Variants in TG observed in about 807,000 individuals in gnomAD.
TG encodes the protein thyroglobulin.
In TG, 270 loss-of-function variants were observed where a neutral mutation model predicts 324.7. The observed-to-expected ratio is 0.83, with a 90% CI of 0.75 to 0.92. The LOEUF is 0.92. TG is among the 40% of genes least tolerant of loss of function. The probability of loss-of-function intolerance (pLI) is 0.00; values close to 1 mark genes in which losing one functional copy is unlikely to be tolerated. For missense variants in TG, 3,591 were observed against 3,456.4 expected, an observed-to-expected ratio of 1.04 and a Z score of -0.98; for synonymous variants, 1,401 against 1,327.0, an observed-to-expected ratio of 1.06 and a Z score of -1.21.
chr8:132,977,250 C>T (rs369505679), intron 34 of TG, among the ~76,000 whole-genome samples: 4 of 152,146 alleles, frequency 2.6e-5, no homozygotes, highest in African/African-American at 9.7e-5. Flanking sequence ...TGCCTAGAGA[C>T]AGGAATCTCT....
At chr8:133,017,753 C>G in intron 37 of TG, 25 bp from the exon 38 acceptor site, 1 of 1,609,940 alleles carries the variant, frequency 6.2e-7, no homozygotes, top group Non-Finnish European at 8.5e-7. Context: ...CCTTCCTCAC[C>G]CCTTTCTCTT....
At chr8:133,088,467 G>C (rs1349066553) in intron 41 of TG, among the ~76,000 whole-genome samples, 1 of 152,102 alleles carries the variant, frequency 6.6e-6, no homozygotes, top group Non-Finnish European at 1.5e-5. Context: ...TATGACCTTG[G>C]AAAAATTACC....
chr8:132,885,138 G>GC (rs140389621), intron 8 of TG, among the ~76,000 whole-genome samples: 9 of 151,210 alleles, frequency 6.0e-5, no homozygotes, highest in Non-Finnish European at 8.9e-5. Flanking sequence ...TTGGGGGGGG[G>GC]GCGTGGTGGT....
intron 10 of TG, among the ~76,000 whole-genome samples, chr8:132,893,188 G>T (rs1223426949): frequency 2.1e-5 from 3 of 144,406 alleles, no homozygotes; most frequent in Non-Finnish European, 3.0e-5. Flanking sequence ...TGGTGTGTAT[G>T]TGAGTGTGTG....
intron 45 of TG, among the ~76,000 whole-genome samples, chr8:133,123,253 C>T (rs944491879): frequency 3.9e-5 from 6 of 151,950 alleles, no homozygotes; most frequent in African/African-American, 1.2e-4. Context: ...GTAGGATGTC[C>T]CCTGCCAAGA....
At chr8:132,964,544 G>A (rs996854281) in intron 29 of TG, 3 of 233,640 alleles carry the variant, frequency 1.3e-5, no homozygotes, top group African/African-American at 6.8e-5. Context: ...TGTGTATCAG[G>A]TTACTCCCAT....
At chr8:132,954,471 T>C (rs1319872368) in intron 27 of TG, among the ~76,000 whole-genome samples, 2 of 152,198 alleles carry the variant, frequency 1.3e-5, no homozygotes, top group Non-Finnish European at 2.9e-5. Flanking sequence ...AAGGGTGGAC[T>C]CTGAGGCCAG....
At chr8:133,102,253 A>G (rs1849352246) in intron 43 of TG, 1 of 309,226 alleles carries the variant, frequency 3.2e-6, no homozygotes, top group Admixed American at 4.9e-5. Flanking sequence ...AGTAAACACA[A>G]ATGCATGCTC....
At chr8:133,070,486 T>C (rs895051505) in intron 41 of TG, among the ~76,000 whole-genome samples, 1 of 152,158 alleles carries the variant, frequency 6.6e-6, no homozygotes, top group African/African-American at 2.4e-5. Context: ...ACATACTGTT[T>C]TATAGACAAG....
chr8:133,003,451 C>CTCTTAGTAG (rs1246527303), intron 35 of TG, among the ~76,000 whole-genome samples: 1 of 145,202 alleles, frequency 6.9e-6, no homozygotes, highest in East Asian at 2.0e-4. Context: ...GAAATTGATT[C>CTCTTAGTAG]TCTTAGTAGT....
intron 41 of TG, among the ~76,000 whole-genome samples, chr8:133,062,164 C>T (rs1373406191): frequency 1.3e-5 from 2 of 152,192 alleles, no homozygotes; most frequent in Non-Finnish European, 2.9e-5. Context: ...AGAGGATGCC[C>T]TTGCAAATTT....
At chr8:133,130,285 G>A (rs1851841367) in intron 45 of TG, among the ~76,000 whole-genome samples, 1 of 152,218 alleles carries the variant, frequency 6.6e-6, no homozygotes, top group Non-Finnish European at 1.5e-5. Context: ...CCAGGCTATT[G>A]TAGTAACAGT....
At chr8:132,931,456 G>A (rs1443135791) in intron 23 of TG, among the ~76,000 whole-genome samples, 1 of 152,182 alleles carries the variant, frequency 6.6e-6, no homozygotes, top group Non-Finnish European at 1.5e-5. Context: ...AGTCAATGAA[G>A]GGTTGGATAT....
intron 34 of TG, among the ~76,000 whole-genome samples, chr8:132,974,497 G>A (rs550649317): frequency 1.3e-5 from 2 of 152,240 alleles, no homozygotes; most frequent in East Asian, 3.9e-4. Context: ...TGAATTGCTT[G>A]ACCCAAACCA....
At position 132,868,673 on chromosome 8, in the gene TG, G is replaced by T. The variant is rs569525397; in HGVS notation, c.176+450G>T. ...CTAGTCCTTAGCTGCCACCGACCCT[G>T]CCCGGACTAGCTCTCTAGGCTGCCT... On this transcript the variant is annotated intron_variant, in intron 2 of 47. Transcript: ENST00000220616. Among the ~76,000 whole-genome samples, 231 of 152,284 alleles carry T rather than the reference G, an allele frequency of 1.5e-3. 1 individual carries two copies. Among genetic ancestry groups the T allele is most frequent in the Non-Finnish European group, 7.4e-4 (50 of 68,024 alleles).
intron 41 of TG, chr8:133,049,963 A>C (rs1296397690): frequency 6.2e-7 from 1 of 1,613,668 alleles, no homozygotes; most frequent in East Asian, 2.2e-5. Flanking sequence ...GTGCTAAGAG[A>C]AATAGCTTTC....
intron 43 of TG, among the ~76,000 whole-genome samples, chr8:133,109,707 A>G (rs760259894): frequency 2.0e-5 from 3 of 152,122 alleles, no homozygotes; most frequent in Admixed American, 1.3e-4. Flanking sequence ...AGGGTGCACC[A>G]GGGACCCAGC....
rs145624072 is a variant in TG, at chr8:133,017,676, G to A, written c.6563-102G>A. The A allele has an allele frequency of 1.6e-4, 189 of 1,155,368 alleles. 1 individual carries two copies. The African/African-American group carries it at 2.2e-3, about 14-fold the overall frequency. The allele number at this position is 1,155,368 out of a possible 1,614,324, so 71.6% of individuals were successfully genotyped here. On this transcript the variant is annotated intron_variant, in intron 37 of 47. Transcript: ENST00000220616. ...TTGACATTTTCAAGGTGCAAAAACC[G>A]TGATTTTTCTTTTGTTGAAAGCACA... is the stretch of plus-strand genomic sequence containing the variant.
chr8:133,060,034 G>T, intron 41 of TG: 1 of 1,478,186 alleles, frequency 6.8e-7, no homozygotes, highest in South Asian at 1.4e-5. Context: ...ATCCACCACC[G>T]CCCAGTCTTT....
Sources: gnomAD v4.1 joint callset for allele counts (sites outside exome capture counted in the v4.1 genomes callset) on GRCh38, gnomAD v4.1.1 for gene constraint, MANE v1.5 for transcripts, NCBI Gene and HGNC (gene_info 2026-07-23, HGNC 2026-07-21) for gene names.